Variants in FBXO28 observed in about 807,000 individuals in gnomAD.
The protein encoded by FBXO28 is F-box protein 28, also known as F-box only protein 28.
Under a neutral mutation model 38.1 loss-of-function variants are expected in FBXO28, and 8 were observed. The observed-to-expected ratio is 0.21, with a 90% CI of 0.12 to 0.38. The LOEUF is 0.38. Among genes scored for constraint, FBXO28 ranks in the 10% least tolerant of loss-of-function variants. The probability of loss-of-function intolerance (pLI) is 1.00; values close to 1 mark genes in which losing one functional copy is unlikely to be tolerated. For missense variants in FBXO28, 345 were observed against 460.6 expected (o/e 0.75, Z 2.30); for synonymous variants, 168 against 173.8 (o/e 0.97, Z 0.26).
intron 1 of FBXO28, among the ~76,000 whole-genome samples, chr1:224,124,243 T>A (rs1656850804): frequency 6.6e-6 from 1 of 152,236 alleles, no homozygotes; most frequent in Non-Finnish European, 1.5e-5. Context: ...AATTTTTCAT[T>A]ACTGACCACA....
In FBXO28 at chr1:224,158,945, T is replaced by C. The variant is rs762773641; in HGVS notation, c.*1199T>C. On this transcript the variant is annotated 3_prime_UTR_variant, in exon 5 of 5. Coordinates refer to ENST00000366862, the MANE Select transcript of FBXO28 (RefSeq NM_015176.4). ...CAACTTTAAACAAAAGCTTTAATTTTGTTTGCACTCCTATTTTGAGCTTGT... is the reference window on the plus strand; with the variant it reads ...CAACTTTAAACAAAAGCTTTAATTTCGTTTGCACTCCTATTTTGAGCTTGT... The C allele has an allele frequency of 6.6e-6, 1 of 152,664 alleles. No individual in the cohort carries two copies. The highest frequency in any genetic ancestry group is 1.5e-5 in the Non-Finnish European group (1 of 68,046). 9.5% of individuals were successfully genotyped at this position (152,664 alleles called of 1,614,324 possible). A position where few individuals can be genotyped will look rare whatever the true frequency, so the allele number is the denominator to read the frequency against.
chr1:224,117,119 G>T (rs911836790), intron 1 of FBXO28, among the ~76,000 whole-genome samples: 12 of 151,992 alleles, frequency 7.9e-5, no homozygotes, highest in African/African-American at 2.9e-4. Context: ...GTTGCACAAC[G>T]TGAGCCGAGA....
intron 1 of FBXO28, among the ~76,000 whole-genome samples, chr1:224,122,121 G>A (rs1656794292): frequency 6.6e-6 from 1 of 152,174 alleles, no homozygotes; most frequent in African/African-American, 2.4e-5. Flanking sequence ...GAAGAGGTGG[G>A]AAGTTGTATC....
chr1:224,136,685 G>A (rs1657195828), intron 3 of FBXO28, among the ~76,000 whole-genome samples: 1 of 151,278 alleles, frequency 6.6e-6, no homozygotes, highest in African/African-American at 2.4e-5. Flanking sequence ...CCAAGATCGT[G>A]CCACTGCACT....
intron 1 of FBXO28, among the ~76,000 whole-genome samples, chr1:224,126,852 T>C (rs1656914891): frequency 6.6e-6 from 1 of 152,156 alleles, no homozygotes; most frequent in African/African-American, 2.4e-5. Flanking sequence ...ATAGTTTTAA[T>C]AACAAAACAT....
intron 3 of FBXO28, among the ~76,000 whole-genome samples, chr1:224,142,936 ACT>A (rs1033907809): frequency 6.6e-6 from 1 of 151,850 alleles, no homozygotes; most frequent in African/African-American, 2.4e-5. Flanking sequence ...ACAGAAAGAC[ACT>A]CTGTCATAAA....
At position 224,125,441 on chromosome 1, in the gene FBXO28, T is replaced by C. The variant is rs947077241; in HGVS notation, c.268-5031T>C. ...CCTTTTTCTCTTATCTTTCACTTCA[T>C]TTGGGGTTCATGTACATTTATTTCA... On this transcript the variant is annotated intron_variant, in intron 1 of 4. Transcript: ENST00000366862. 1.3e-5 allele frequency among the ~76,000 whole-genome samples: 2 copies of C among 152,276 alleles called. 1 individual carries two copies. The highest frequency in any genetic ancestry group is 4.1e-4 in the South Asian group (2 of 4,824).
chr1:224,155,881 A>C (rs1251052655), intron 4 of FBXO28, among the ~76,000 whole-genome samples: 1 of 152,228 alleles, frequency 6.6e-6, no homozygotes, highest in East Asian at 1.9e-4. Context: ...AGATATACCC[A>C]GACTTGAAGT....
intron 3 of FBXO28, among the ~76,000 whole-genome samples, chr1:224,144,772 C>T (rs1224350061): frequency 6.6e-6 from 1 of 151,548 alleles, no homozygotes; most frequent in Non-Finnish European, 1.5e-5. Context: ...AAACAAAAAA[C>T]AAGCCCTCCT....
chr1:224,126,144 T>C (rs1656898258), intron 1 of FBXO28, among the ~76,000 whole-genome samples: 1 of 152,210 alleles, frequency 6.6e-6, no homozygotes, highest in Admixed American at 6.5e-5. Context: ...TCAAATCTTT[T>C]GTCATGTGAG....
At chr1:224,153,861 C>T (rs907305858) in intron 4 of FBXO28, among the ~76,000 whole-genome samples, 3 of 150,896 alleles carry the variant, frequency 2.0e-5, no homozygotes, top group African/African-American at 7.3e-5. Context: ...GCAGAGGTTG[C>T]AGTGAGCCAG....
At chr1:224,121,397 T>C (rs1473857678) in intron 1 of FBXO28, among the ~76,000 whole-genome samples, 2 of 152,208 alleles carry the variant, frequency 1.3e-5, no homozygotes, top group Non-Finnish European at 2.9e-5. Flanking sequence ...AATCTAAAAT[T>C]TGTTGTAATT....
chr1:224,139,116 G>C (rs1041928328), intron 3 of FBXO28, among the ~76,000 whole-genome samples: 1 of 151,494 alleles, frequency 6.6e-6, no homozygotes, highest in Non-Finnish European at 1.5e-5. Flanking sequence ...TAGTAGCCCT[G>C]GTAAACCTTT....
chr1:224,135,847 G>A (rs1572014747), intron 3 of FBXO28, among the ~76,000 whole-genome samples: 1 of 151,666 alleles, frequency 6.6e-6, no homozygotes, highest in Admixed American at 6.6e-5. Flanking sequence ...CCAGCCTGGC[G>A]AACATGGGGA....
intron 3 of FBXO28, among the ~76,000 whole-genome samples, chr1:224,138,891 C>T (rs1269299973): frequency 1.3e-5 from 2 of 151,794 alleles, no homozygotes; most frequent in East Asian, 3.9e-4. Context: ...AAGCGATTCT[C>T]CTGCCTCAGC....
At chr1:224,133,407 T>TTA (rs1657099838) in intron 2 of FBXO28, among the ~76,000 whole-genome samples, 1 of 152,252 alleles carries the variant, frequency 6.6e-6, no homozygotes, top group Admixed American at 6.5e-5. Context: ...GAGTTAAATT[T>TTA]TATCATCAAA....
chr1:224,148,515 C>T (rs549571711), intron 3 of FBXO28, among the ~76,000 whole-genome samples: 19 of 151,544 alleles, frequency 1.3e-4, no homozygotes, highest in African/African-American at 4.6e-4. Context: ...GAAAAAAATT[C>T]GCCAGGTGTG....
chr1:224,117,552 T>G (rs762756577), intron 1 of FBXO28, among the ~76,000 whole-genome samples: 13 of 152,166 alleles, frequency 8.5e-5, no homozygotes, highest in Non-Finnish European at 1.3e-4. Flanking sequence ...AATGTAAAAT[T>G]ATTTGGCTGA....
Position 224,158,609 on chromosome 1 carries a change from T to A in FBXO28, c.*863T>A, listed in dbSNP as rs550784128. 2 of 152,448 alleles carry A rather than the reference T, an allele frequency of 1.3e-5. No homozygotes were observed. The highest frequency in any genetic ancestry group is 4.1e-4 in the South Asian group (2 of 4,828). The allele number at this position is 152,448 out of a possible 1,614,324, so 9.4% of individuals were successfully genotyped here. A position where few individuals can be genotyped will look rare whatever the true frequency, so the allele number is the denominator to read the frequency against. On this transcript the variant is annotated 3_prime_UTR_variant, in exon 5 of 5. Transcript: ENST00000366862. ...CAGTTTTATAGGAACAAGAGACTAT[T>A]AAAGCCCATTGCTTTATCTGCTCTC...
Sources: allele counts gnomAD v4.1 joint callset (sites outside exome capture counted in the v4.1 genomes callset), GRCh38; gene constraint gnomAD v4.1.1; transcripts MANE v1.5; gene names NCBI Gene and HGNC (gene_info 2026-07-23, HGNC 2026-07-21).